Variants in TENM2 observed in about 807,000 individuals in gnomAD.
The protein encoded by TENM2 is teneurin-2.
In TENM2, 52 loss-of-function variants were observed where a neutral mutation model predicts 245.2. The observed-to-expected ratio is 0.21, with a 90% CI of 0.17 to 0.27. The LOEUF (loss-of-function observed/expected upper bound fraction) is 0.27. TENM2 is among the 10% of genes least tolerant of loss of function. TENM2 has a pLI of 1.00. For synonymous variants in TENM2, 1,363 were observed against 1,438.9 expected (o/e 0.95, Z 1.19); for missense variants, 3,046 against 3,666.8 (o/e 0.83, Z 4.37).
At chr5:167,180,143 TG>T in the TENM2 span, among the ~76,000 whole-genome samples, 1 of 147,640 alleles carries the variant, frequency 6.8e-6, no homozygotes, top group African/African-American at 2.6e-5. Context: ...GTTTCATTCT[TG>T]TTGCCCAGGG....
chr5:168,027,846 T>G (rs1488308455), intron 5 of TENM2, among the ~76,000 whole-genome samples: 2 of 152,234 alleles, frequency 1.3e-5, no homozygotes, highest in Non-Finnish European at 2.9e-5. Flanking sequence ...TAGCAACTGT[T>G]TGTTCTTCCT....
At chr5:168,060,437 A>G (rs1311956740) in intron 6 of TENM2, among the ~76,000 whole-genome samples, 2 of 151,954 alleles carry the variant, frequency 1.3e-5, no homozygotes, top group Non-Finnish European at 2.9e-5. Flanking sequence ...AAACAAAACA[A>G]AAGTTCAGAA....
chr5:167,682,667 AC>A (rs1195147299), intron 2 of TENM2, among the ~76,000 whole-genome samples: 2 of 152,072 alleles, frequency 1.3e-5, no homozygotes, highest in African/African-American at 4.8e-5. Context: ...ATTTATATGT[AC>A]AGGCAGAGCT....
rs114626336 is a variant in TENM2, at chr5:167,451,592, G to A, written c.502+76119G>A. Among the ~76,000 whole-genome samples, 1,170 of 152,006 alleles carry A rather than the reference G, an allele frequency of 7.7e-3. 12 individuals carry two copies. The highest frequency in any genetic ancestry group is 0.026 in the African/African-American group (1,086 of 41,466). On this transcript the variant is annotated intron_variant, in intron 2 of 28. Coordinates refer to ENST00000518659, the Ensembl canonical transcript of TENM2. ...GTTTTCACACTTGTCCGAGACCTCTGGGATGACGTTTTCTATCTCAAGGGT... is the reference window on the plus strand; with the variant it reads ...GTTTTCACACTTGTCCGAGACCTCTAGGATGACGTTTTCTATCTCAAGGGT...
intron 3 of TENM2, among the ~76,000 whole-genome samples, chr5:167,888,611 A>C (rs2151447111): frequency 6.6e-6 from 1 of 152,334 alleles, no homozygotes; most frequent in African/African-American, 2.4e-5. Flanking sequence ...CCAGAAGCAA[A>C]CAGAGAAAAC....
At chr5:167,254,870 G>C in the TENM2 span, among the ~76,000 whole-genome samples, 1 of 151,988 alleles carries the variant, frequency 6.6e-6, no homozygotes, top group African/African-American at 2.4e-5. Context: ...AGTGCTAAGG[G>C]CCTGTGGGGG....
intron 2 of TENM2, among the ~76,000 whole-genome samples, chr5:167,492,375 A>G (rs1183887118): frequency 3.3e-5 from 5 of 152,102 alleles, no homozygotes; most frequent in East Asian, 1.9e-4. Context: ...AAAATTATTA[A>G]TAATAGCACC....
chr5:167,195,863 G>A, the TENM2 span, among the ~76,000 whole-genome samples: 54 of 151,982 alleles, frequency 3.6e-4, no homozygotes, highest in African/African-American at 1.3e-3. Flanking sequence ...CTACACACCT[G>A]TATTTGGATA....
At chr5:167,502,581 C>T (rs993059549) in intron 2 of TENM2, among the ~76,000 whole-genome samples, 2 of 152,018 alleles carry the variant, frequency 1.3e-5, no homozygotes. Context: ...TATATTTCAC[C>T]ATCTATAATG....
intron 2 of TENM2, among the ~76,000 whole-genome samples, chr5:167,434,755 G>A (rs1257069209): frequency 1.1e-4 from 16 of 152,076 alleles, no homozygotes; most frequent in Admixed American, 1.0e-3. Flanking sequence ...TAATAAAGTA[G>A]CTAAGGCTTA....
At chr5:167,370,208 G>A (rs1041323638) in intron 1 of TENM2, among the ~76,000 whole-genome samples, 3 of 151,728 alleles carry the variant, frequency 2.0e-5, no homozygotes, top group Admixed American at 6.6e-5. Context: ...TGGGTGTAGT[G>A]GCGGGTGCCT....
At chr5:167,530,901 A>T (rs1466260020) in intron 2 of TENM2, among the ~76,000 whole-genome samples, 7 of 152,190 alleles carry the variant, frequency 4.6e-5, no homozygotes, top group Non-Finnish European at 8.8e-5. Flanking sequence ...GAGCAATCTA[A>T]CTGCATTAAC....
intron 2 of TENM2, among the ~76,000 whole-genome samples, chr5:167,551,684 A>G (rs1055059871): frequency 6.6e-6 from 1 of 152,110 alleles, no homozygotes; most frequent in Admixed American, 6.5e-5. Flanking sequence ...TAATCTATCT[A>G]TGTATTCATT....
intron 19 of TENM2, among the ~76,000 whole-genome samples, chr5:168,205,089 C>T (rs1762251552): frequency 1.3e-5 from 2 of 152,196 alleles, no homozygotes; most frequent in Non-Finnish European, 2.9e-5. Flanking sequence ...GTAGATTCCT[C>T]CTGCCCATTG....
intron 1 of TENM2, among the ~76,000 whole-genome samples, chr5:167,325,623 T>G (rs1305548705): frequency 6.6e-6 from 1 of 152,252 alleles, no homozygotes; most frequent in Non-Finnish European, 1.5e-5. Context: ...ATGCTCCTAA[T>G]TATATCTTGT....
chr5:167,694,407 G>T (rs2150414400), intron 2 of TENM2, among the ~76,000 whole-genome samples: 1 of 152,152 alleles, frequency 6.6e-6, no homozygotes, highest in Middle Eastern at 3.4e-3. Flanking sequence ...AAATAGCAGA[G>T]CATCCCTTAA....
chr5:167,059,837 G>A, the TENM2 span, among the ~76,000 whole-genome samples: 1 of 151,732 alleles, frequency 6.6e-6, no homozygotes, highest in African/African-American at 2.4e-5. Context: ...CCAAGTAGCT[G>A]GGATTACAGG....
At chr5:167,147,135 T>G in the TENM2 span, among the ~76,000 whole-genome samples, 5 of 152,350 alleles carry the variant, frequency 3.3e-5, no homozygotes, top group East Asian at 7.7e-4. Flanking sequence ...CCTTTTTCTT[T>G]TATTAAAATA....
At chr5:167,909,012 G>T (rs1469746851) in intron 3 of TENM2, among the ~76,000 whole-genome samples, 1 of 150,072 alleles carries the variant, frequency 6.7e-6, no homozygotes, top group African/African-American at 2.4e-5. Context: ...TTCTTATTAT[G>T]ATTCCTCAGT....
Sources: allele counts gnomAD v4.1 joint callset (sites outside exome capture counted in the v4.1 genomes callset), GRCh38; gene constraint gnomAD v4.1.1; transcripts MANE v1.5; gene names NCBI Gene and HGNC (gene_info 2026-07-23, HGNC 2026-07-21).